Variants in ANKRD55 observed in about 807,000 individuals in gnomAD.
ANKRD55 encodes the protein ankyrin repeat domain 55.
ANKRD55 carries 41 observed loss-of-function variants against 60.6 expected under a neutral mutation model. The observed-to-expected ratio is 0.68, with a 90% CI of 0.53 to 0.88. The LOEUF is 0.88. Ranked by LOEUF, ANKRD55 falls within the 40% of genes least tolerant of loss-of-function variation. ANKRD55 has a pLI of 0.00. For synonymous variants in ANKRD55, 264 were observed against 290.3 expected, an observed-to-expected ratio of 0.91 and a Z score of 0.92; for missense variants, 732 against 767.6, an observed-to-expected ratio of 0.95 and a Z score of 0.55.
intron 7 of ANKRD55, among the ~76,000 whole-genome samples, chr5:56,135,722 A>G (rs970482591): frequency 1.3e-5 from 2 of 152,196 alleles, no homozygotes; most frequent in East Asian, 3.8e-4. Flanking sequence ...CAATAAGACA[A>G]GAACAGGAAA....
rs138082062 is a variant in ANKRD55, at chr5:56,215,954, A to G, written c.58+16902T>C. Among the ~76,000 whole-genome samples, 28 of 151,996 alleles carry G rather than the reference A, an allele frequency of 1.8e-4. No individual in the cohort carries two copies. In the East Asian group the frequency reaches 4.6e-3, roughly 25 times the overall value. Reference sequence around the variant, plus strand: ...TGGCATGGAGGGTGAATTGTCATGAATACATCTTGGTGGCTGAGAAGCTGG... The same window carrying G: ...TGGCATGGAGGGTGAATTGTCATGAGTACATCTTGGTGGCTGAGAAGCTGG... On this transcript the variant is annotated intron_variant, in intron 2 of 11. Coordinates refer to ENST00000341048, the MANE Select transcript of ANKRD55 (RefSeq NM_024669.3).
intron 2 of ANKRD55, among the ~76,000 whole-genome samples, chr5:56,185,644 G>A (rs1180254978): frequency 6.6e-6 from 1 of 151,620 alleles, no homozygotes; most frequent in African/African-American, 2.4e-5. Context: ...CTCCAGCCTG[G>A]GCAACAAGAG....
intron 2 of ANKRD55, among the ~76,000 whole-genome samples, chr5:56,197,261 T>C (rs2111851851): frequency 1.3e-5 from 2 of 152,318 alleles, no homozygotes; most frequent in South Asian, 4.1e-4. Flanking sequence ...AATATCAGGG[T>C]CCACGATAAA....
intron 7 of ANKRD55, among the ~76,000 whole-genome samples, chr5:56,133,299 C>T (rs1220221475): frequency 1.3e-5 from 2 of 151,880 alleles, no homozygotes; most frequent in African/African-American, 2.4e-5. Flanking sequence ...ACTAGCTGGG[C>T]ATGGTGGTGC....
At chr5:56,230,484 A>C (rs547620700) in intron 2 of ANKRD55, among the ~76,000 whole-genome samples, 16 of 152,340 alleles carry the variant, frequency 1.1e-4, no homozygotes, top group Admixed American at 8.5e-4. Flanking sequence ...CCCCATCTGC[A>C]TGTAAAGACA....
At position 56,176,240 on chromosome 5, in the gene ANKRD55, T is replaced by A; in HGVS notation, c.224A>T (p.Asp75Val). 1 of 1,614,220 alleles carries A rather than the reference T, an allele frequency of 6.2e-7. No homozygotes were observed. Among genetic ancestry groups the A allele is most frequent in the Non-Finnish European group, 8.5e-7 (1 of 1,180,032 alleles). The part of the protein sequence containing the change: ...LMHAVSGRQA[D>V]TVKLLLKMGA... ...CATCTTCAACAGCAGCTTCACTGTG[T>A]CCGCTTGACGTCCAGAAACCGCATG... Residue 75 changes from aspartate to valine, a missense_variant, in exon 4 of 12, where the codon GAC (aspartate) becomes GTC (valine). Asp to Val is a radical substitution (Grantham distance 152). Transcript: ENST00000341048.
chr5:56,120,023 C>A (rs536494450), intron 8 of ANKRD55, among the ~76,000 whole-genome samples: 38 of 151,026 alleles, frequency 2.5e-4, no homozygotes, highest in Non-Finnish European at 5.5e-4. Flanking sequence ...AATTACATAG[C>A]CAACTTTTCT....
Position 56,153,914 on chromosome 5 carries a change from T to C in ANKRD55, c.483+5919A>G, listed in dbSNP as rs1007866880. ...AAAATTCTAAGACAAATGCTTGAGT[T>C]GAAAAAACTAAGTTAGGCCGGGTGT... On this transcript the variant is annotated intron_variant, in intron 6 of 11. Coordinates refer to ENST00000341048, the MANE Select transcript of ANKRD55 (RefSeq NM_024669.3). 3.4e-5 allele frequency among the ~76,000 whole-genome samples: 5 copies of C among 149,194 alleles called. No homozygotes were observed. In the East Asian group the frequency reaches 1.0e-3, roughly 31 times the overall value.
At chr5:56,164,344 C>T (rs1256656794) in intron 5 of ANKRD55, among the ~76,000 whole-genome samples, 4 of 152,050 alleles carry the variant, frequency 2.6e-5, no homozygotes, top group South Asian at 2.1e-4. Context: ...CACAACCAGC[C>T]GTCTCCCCTT....
intron 6 of ANKRD55, among the ~76,000 whole-genome samples, chr5:56,148,836 G>A (rs1307316135): frequency 6.6e-6 from 1 of 152,036 alleles, no homozygotes; most frequent in Non-Finnish European, 1.5e-5. Context: ...TTGGCGGTTC[G>A]GGGTGGGGTG....
intron 7 of ANKRD55, among the ~76,000 whole-genome samples, chr5:56,136,474 A>G (rs1019656494): frequency 1.3e-5 from 2 of 152,260 alleles, no homozygotes; most frequent in African/African-American, 2.4e-5. Flanking sequence ...GATATTTGAC[A>G]AAAGAGTAAA....
chr5:56,119,406 T>A (rs534701891), intron 8 of ANKRD55, among the ~76,000 whole-genome samples: 51 of 152,274 alleles, frequency 3.3e-4, no homozygotes, highest in South Asian at 6.2e-4. Context: ...CAGATAACTA[T>A]TGAGTGGTTG....
intron 3 of ANKRD55, among the ~76,000 whole-genome samples, chr5:56,181,779 G>A (rs1758853979): frequency 6.6e-6 from 1 of 152,220 alleles, no homozygotes; most frequent in African/African-American, 2.4e-5. Flanking sequence ...TAGTAGAGAC[G>A]GGGTTTCACC....
chr5:56,222,030 A>T (rs1469365989), intron 2 of ANKRD55, among the ~76,000 whole-genome samples: 1 of 152,182 alleles, frequency 6.6e-6, no homozygotes, highest in Admixed American at 6.5e-5. Context: ...GAGATCTGAG[A>T]ACAGATAGAC....
rs1348428051 is a variant in ANKRD55, at chr5:56,100,321, G to C, written c.1724-17C>G. 10 of 1,613,838 alleles carry C rather than the reference G, an allele frequency of 6.2e-6. No homozygotes were observed. Among genetic ancestry groups the C allele is most frequent in the Non-Finnish European group, 8.5e-6 (10 of 1,179,898 alleles). ...CAGATAGAACTGGGAAGAAAGAATA[G>C]AACAAGAGACTTTCAAGATTTGCTT... On this transcript the variant is annotated splice_polypyrimidine_tract_variant and intron_variant, in intron 11 of 11. Transcript: ENST00000341048.
chr5:56,223,948 G>C (rs1200585328), intron 2 of ANKRD55, among the ~76,000 whole-genome samples: 1 of 152,142 alleles, frequency 6.6e-6, no homozygotes, highest in Admixed American at 6.5e-5. Context: ...AGTTTACAAG[G>C]ATATCCAGGA....
At chr5:56,115,877 C>T (rs370779707) in intron 9 of ANKRD55, among the ~76,000 whole-genome samples, 12 of 150,714 alleles carry the variant, frequency 8.0e-5, no homozygotes, top group African/African-American at 2.0e-4. Flanking sequence ...TTTTTTGAGA[C>T]GGAGTCTCAC....
intron 2 of ANKRD55, among the ~76,000 whole-genome samples, chr5:56,191,067 A>G (rs1483335743): frequency 6.6e-6 from 1 of 152,176 alleles, no homozygotes; most frequent in Non-Finnish European, 1.5e-5. Flanking sequence ...CTACTGATCT[A>G]TATGTCTGTC....
intron 9 of ANKRD55, among the ~76,000 whole-genome samples, chr5:56,115,374 A>C (rs1404179616): frequency 6.8e-6 from 1 of 148,058 alleles, no homozygotes; most frequent in South Asian, 2.1e-4. Context: ...GCTGGAGTGC[A>C]GTGGCACTGT....
Sources: allele counts gnomAD v4.1 joint callset (sites outside exome capture counted in the v4.1 genomes callset), GRCh38; gene constraint gnomAD v4.1.1; transcripts MANE v1.5; gene names NCBI Gene and HGNC (gene_info 2026-07-23, HGNC 2026-07-21).